LAMB4: variants seen among roughly 807,000 people sequenced by gnomAD.
LAMB4 encodes laminin subunit beta-4.
LAMB4 carries 196 observed loss-of-function variants against 199.2 expected under a neutral mutation model. That is an observed-to-expected ratio of 0.98 (90% CI 0.88 to 1.11). The LOEUF (loss-of-function observed/expected upper bound fraction) is 1.11. Among genes scored for constraint, LAMB4 ranks in the 50% least tolerant of loss-of-function variants. The pLI is 0.00. For missense variants in LAMB4, 2,080 were observed against 2,171.2 expected (o/e 0.96, Z 0.83); for synonymous variants, 744 against 770.6 (o/e 0.97, Z 0.57).
At chr7:108,114,256 A>G (rs2038333347) in intron 3 of LAMB4, among the ~76,000 whole-genome samples, 1 of 152,086 alleles carries the variant, frequency 6.6e-6, no homozygotes, top group African/African-American at 2.4e-5. Context: ...ACTGGTCTCT[A>G]TAAAAATACC....
At chr7:108,069,087 C>G (rs1296254730) in intron 18 of LAMB4, among the ~76,000 whole-genome samples, 2 of 152,192 alleles carry the variant, frequency 1.3e-5, no homozygotes, top group Non-Finnish European at 2.9e-5. Flanking sequence ...ATTTGCCTAA[C>G]ATTCAGGAAG....
chr7:108,102,621 T>C (rs2037853494), intron 10 of LAMB4, among the ~76,000 whole-genome samples: 1 of 152,224 alleles, frequency 6.6e-6, no homozygotes, highest in African/African-American at 2.4e-5. Context: ...AAATATTTCA[T>C]TTAAGAAGTT....
At chr7:108,047,834 C>A in intron 28 of LAMB4, 74 bp downstream of exon 28, 4 of 1,189,382 alleles carry the variant, frequency 3.4e-6, no homozygotes, top group Non-Finnish European at 2.5e-6. Context: ...AGTTATATGG[C>A]AGTTTTATAA....
chr7:108,057,772 AT>A, intron 24 of LAMB4, 59 bp downstream of exon 24: 5 of 1,055,424 alleles, frequency 4.7e-6, no homozygotes, highest in Non-Finnish European at 7.4e-6. Context: ...GGTTCATAGC[AT>A]GTCCATGGTA....
intron 17 of LAMB4, among the ~76,000 whole-genome samples, chr7:108,070,980 TC>T (rs1428661183): frequency 1.3e-5 from 2 of 152,130 alleles, no homozygotes; most frequent in African/African-American, 2.4e-5. Context: ...TTACCACCCA[TC>T]CGGAACATTT....
intron 1 of LAMB4, among the ~76,000 whole-genome samples, chr7:108,126,936 T>C (rs1054492484): frequency 2.3e-4 from 35 of 152,262 alleles, no homozygotes; most frequent in Admixed American, 1.5e-3. Flanking sequence ...CTACCAGTGC[T>C]CAGGCCCACC....
At position 108,103,040 on chromosome 7, in the gene LAMB4, T is replaced by C; in HGVS notation, c.1180+4A>G. On this transcript the variant is annotated splice_donor_region_variant and intron_variant, in intron 10 of 33. Transcript: ENST00000388781. Reference sequence around the variant, plus strand: ...GTAGGATCCAGGCAGACCCGGGGACTCACGAATGCACGCGTAGGGATCTGA... The same window carrying C: ...GTAGGATCCAGGCAGACCCGGGGACCCACGAATGCACGCGTAGGGATCTGA... The C allele has an allele frequency of 6.4e-7, 1 of 1,572,216 alleles. No homozygotes were observed. The highest frequency in any genetic ancestry group is 1.2e-5 in the South Asian group (1 of 86,712).
In LAMB4 at chr7:108,104,214, C is replaced by G. The variant is rs2037917929; in HGVS notation, c.991+285G>C. 4.6e-5 allele frequency among the ~76,000 whole-genome samples: 7 copies of G among 152,332 alleles called. No homozygotes were observed. In the South Asian group the frequency reaches 1.4e-3, roughly 32 times the overall value. On this transcript the variant is annotated intron_variant, in intron 9 of 33. Transcript: ENST00000388781. ...AATTCTTGGAGTTGCCTTGTCCCCA[C>G]TGATATTGCCATTAAATGGCTCCAT...
chr7:108,079,259 G>C (rs928620041), intron 15 of LAMB4, among the ~76,000 whole-genome samples: 1 of 152,190 alleles, frequency 6.6e-6, no homozygotes, highest in Admixed American at 6.5e-5. Flanking sequence ...GTCTGCACAT[G>C]TGTTGGTTTA....
In LAMB4 at chr7:108,049,374, T is replaced by G; in HGVS notation, c.4074A>C (p.Glu1358Asp). The change falls in exon 27 of 34, where the codon GAA (glutamate) becomes GAC (aspartate). Residue 1358 changes from glutamate to aspartate, a missense_variant. Coordinates refer to ENST00000388781, the MANE Select transcript of LAMB4 (RefSeq NM_007356.3). ...CTGGTATCTTAATCTGCTTTAATCT[T>G]TCCAATGACAAGTTTCCTTTTGAGG... ...TLTSKGNLSL[E>D]RLKQIKIPDI... The G allele has an allele frequency of 6.3e-7, 1 of 1,589,352 alleles. No individual in the cohort carries two copies. Among genetic ancestry groups the G allele is most frequent in the East Asian group, 2.2e-5 (1 of 44,592 alleles).
intron 8 of LAMB4, among the ~76,000 whole-genome samples, chr7:108,105,451 G>A (rs1180983957): frequency 3.3e-5 from 5 of 152,168 alleles, no homozygotes; most frequent in Non-Finnish European, 7.4e-5. Context: ...TTTGGTTTTT[G>A]CAATTAAAAG....
At chr7:108,052,939 G>A (rs762745480) in intron 25 of LAMB4, among the ~76,000 whole-genome samples, 1 of 152,056 alleles carries the variant, frequency 6.6e-6, no homozygotes, top group African/African-American at 2.4e-5. Flanking sequence ...GTACAGTTGG[G>A]GGAAGTTATA....
chr7:108,077,606 A>C (rs926825868), intron 16 of LAMB4, among the ~76,000 whole-genome samples: 5 of 152,284 alleles, frequency 3.3e-5, no homozygotes, highest in Admixed American at 1.3e-4. Context: ...AGGCAGGAGA[A>C]TCACTTGAAC....
the LAMB4 span, among the ~76,000 whole-genome samples, chr7:108,012,300 C>A: frequency 2.0e-5 from 3 of 152,042 alleles, no homozygotes; most frequent in African/African-American, 7.2e-5. Context: ...TAGAAGGAGG[C>A]ATAGCAAATG....
chr7:108,055,910 A>C lies in LAMB4; in HGVS notation c.3477T>G (p.Asp1159Glu). 1 of 1,614,206 alleles carries C rather than the reference A, an allele frequency of 6.2e-7. No homozygotes were observed. Among genetic ancestry groups the C allele is most frequent in the Non-Finnish European group, 8.5e-7 (1 of 1,180,032 alleles). Residue 1159 changes from aspartate to glutamate, a missense_variant, in exon 25 of 34, where the codon GAT becomes GAG. Physicochemically the swap from Asp to Glu is conservative, Grantham distance 45. Coordinates refer to ENST00000388781, the MANE Select transcript of LAMB4 (RefSeq NM_007356.3). Reference protein sequence around the residue: ...CREGVSGQRCDRCARGHSQEF... With the variant: ...CREGVSGQRCERCARGHSQEF... ...CCTGGCTGTGTCCCCGGGCACAGCG[A>C]TCACATCTCTGGCCGCTGACACCCT...
rs1053137154 is a variant in LAMB4, at chr7:108,037,726, A to C, written c.4472-131T>G. ...TATGTGCCCCTAGAATACAGGGATT[A>C]GATTGTAGCTTCCTATAGATTCTTC... On this transcript the variant is annotated intron_variant, in intron 29 of 33. Transcript: ENST00000388781. The C allele has an allele frequency of 2.7e-5, 18 of 664,304 alleles. 1 individual carries two copies. Among genetic ancestry groups the C allele is most frequent in the Middle Eastern group, 3.4e-4 (1 of 2,930 alleles). 41.2% of individuals were successfully genotyped at this position (664,304 alleles called of 1,614,324 possible).
chr7:108,023,944 G>T lies in LAMB4; in HGVS notation c.*95C>A. 9.6e-7 allele frequency: 1 copy of T among 1,040,448 alleles called. No individual in the cohort carries two copies. Among genetic ancestry groups the T allele is most frequent in the Non-Finnish European group, 1.4e-6 (1 of 735,684 alleles). 64.5% of individuals were successfully genotyped at this position (1,040,448 alleles called of 1,614,324 possible). ...CAGGGTGTGGGGAAGGAAGGTAGAA[G>T]ACATTGTCAGTATTTCACAGGTTCA... On this transcript the variant is annotated 3_prime_UTR_variant, in exon 34 of 34. Coordinates refer to ENST00000388781, the MANE Select transcript of LAMB4 (RefSeq NM_007356.3).
rs1343660400 is a variant in LAMB4, at chr7:108,048,003, A to T, written c.4231T>A (p.Ser1411Thr). ...RKCRGPGCHG[S>T]LTLSTNALQK... ...AGGGCATTCGTTGAGAGGGTCAGGG[A>T]GCCGTGACAGCCGGGACCCCTACAC... The change falls in exon 28 of 34, where the codon TCC (serine) becomes ACC (threonine). Residue 1411 changes from serine (S) to threonine (T), a missense_variant. Coordinates refer to ENST00000388781, the MANE Select transcript of LAMB4 (RefSeq NM_007356.3). The T allele has an allele frequency of 6.2e-7, 1 of 1,614,002 alleles. No homozygotes were observed. Among genetic ancestry groups the T allele is most frequent in the Non-Finnish European group, 8.5e-7 (1 of 1,179,990 alleles).
rs746608142 is a variant in LAMB4, at chr7:108,079,692, G to C, written c.1796C>G (p.Ala599Gly). 3.1e-6 allele frequency: 5 copies of C among 1,613,040 alleles called. No individual in the cohort carries two copies. In the South Asian group the frequency reaches 4.4e-5, roughly 14 times the overall value. Residue 599 changes from alanine to glycine, a missense_variant, in exon 15 of 34, where the codon GCC becomes GGC. Ala to Gly is a moderately conservative substitution (Grantham distance 60). Transcript: ENST00000388781. ...NPVTWTGPGF[A>G]RVLPGAGLRF... ...CAAGCCAGCCCCAGGGAGAACCCTGGCAAATCCAGGTCCAGTCCATGTAAC... is the reference window on the plus strand; with the variant it reads ...CAAGCCAGCCCCAGGGAGAACCCTGCCAAATCCAGGTCCAGTCCATGTAAC...
Sources: allele counts gnomAD v4.1 joint callset (sites outside exome capture counted in the v4.1 genomes callset), GRCh38; gene constraint gnomAD v4.1.1; transcripts MANE v1.5; gene names NCBI Gene and HGNC (gene_info 2026-07-23, HGNC 2026-07-21).